Variants in PUM3 observed in about 807,000 individuals in gnomAD.
PUM3 encodes pumilio homolog 3.
PUM3 carries 91 observed loss-of-function variants against 84.0 expected under a neutral mutation model. That is an observed-to-expected ratio of 1.08 (90% CI 0.91 to 1.29). The LOEUF (loss-of-function observed/expected upper bound fraction) is 1.29. Among genes scored for constraint, PUM3 ranks in the 50% most tolerant of loss-of-function variants. PUM3 has a pLI of 0.00. For missense variants in PUM3, 1,067 were observed against 767.5 expected (o/e 1.39, Z -4.61); for synonymous variants, 321 against 266.7 (o/e 1.20, Z -1.98).
At chr9:2,815,845 T>A (rs1392431226) in intron 13 of PUM3, among the ~76,000 whole-genome samples, 1 of 152,214 alleles carries the variant, frequency 6.6e-6, no homozygotes, top group Non-Finnish European at 1.5e-5. Flanking sequence ...CAAAGGCCCA[T>A]TTATTGTAAT....
chr9:2,830,077 T>G (rs1030287913), intron 7 of PUM3, 129 bp from the exon 8 acceptor site: 5 of 710,554 alleles, frequency 7.0e-6, no homozygotes, highest in Non-Finnish European at 1.2e-5. Context: ...TGAGCTAGCA[T>G]GCATTGAGAA....
In PUM3 at chr9:2,812,263, C is replaced by G. The variant is rs147187141; in HGVS notation, c.1369G>C (p.Glu457Gln). 3.3e-5 allele frequency: 53 copies of G among 1,613,516 alleles called. No homozygotes were observed. In the African/African-American group the frequency reaches 6.7e-4, roughly 20 times the overall value. Residue 457 changes from glutamate to glutamine, a missense_variant, in exon 14 of 18, where the codon GAA becomes CAA. By Grantham distance (29) the Glu-to-Gln change is conservative. Transcript: ENST00000397885. ...SPRDPAHTVR[E>Q]IIEVLQKGDG... Reference sequence around the variant, plus strand: ...CCTTTTTGCAGAACTTCAATGATTTCTCGTACTGTATGTGCAGGATCTCTG... The same window carrying G: ...CCTTTTTGCAGAACTTCAATGATTTGTCGTACTGTATGTGCAGGATCTCTG...
intron 7 of PUM3, among the ~76,000 whole-genome samples, 167 bp downstream of exon 7, chr9:2,830,795 T>C (rs1239636810): frequency 1.3e-5 from 2 of 152,196 alleles, no homozygotes; most frequent in South Asian, 2.1e-4. Context: ...TTAATTTCGA[T>C]AATTGTATTT....
At chr9:2,809,595 TCTGTCA>T (rs1484986005) in intron 16 of PUM3, among the ~76,000 whole-genome samples, 1 of 152,186 alleles carries the variant, frequency 6.6e-6, no homozygotes, top group Non-Finnish European at 1.5e-5. Flanking sequence ...GAATTCATGA[TCTGTCA>T]CTTTTTTCCA....
At chr9:2,836,821 G>T (rs559094607) in intron 3 of PUM3, among the ~76,000 whole-genome samples, 1 of 152,200 alleles carries the variant, frequency 6.6e-6, no homozygotes, top group African/African-American at 2.4e-5. Context: ...GTGTGTGTGT[G>T]TGTGTTTTGC....
At position 2,837,236 on chromosome 9, in the gene PUM3, T is replaced by C; in HGVS notation, c.248A>G (p.Gln83Arg). ...QGDKSPKNKF[Q>R]PANKFNKKRK... ...CTTCTTGTTGAATTTATTTGCCGGCTGGAATTTGTTCTTTGGTGATTTGTC... is the reference window on the plus strand; with the variant it reads ...CTTCTTGTTGAATTTATTTGCCGGCCGGAATTTGTTCTTTGGTGATTTGTC... The change falls in exon 3 of 18, where the codon CAG becomes CGG. Residue 83 changes from glutamine to arginine, a missense_variant. Coordinates refer to ENST00000397885, the MANE Select transcript of PUM3 (RefSeq NM_014878.5). 1 of 1,614,162 alleles carries C rather than the reference T, an allele frequency of 6.2e-7. No individual in the cohort carries two copies. Among genetic ancestry groups the C allele is most frequent in the Non-Finnish European group, 8.5e-7 (1 of 1,179,988 alleles).
At chr9:2,843,394 C>A (rs1212190146) in intron 1 of PUM3, among the ~76,000 whole-genome samples, 1 of 151,934 alleles carries the variant, frequency 6.6e-6, no homozygotes, top group African/African-American at 2.4e-5. Flanking sequence ...TCGTTTCCTC[C>A]CAGCACTTAG....
At chr9:2,838,307 T>C in intron 2 of PUM3, 119 bp downstream of exon 2, 2 of 734,872 alleles carry the variant, frequency 2.7e-6, no homozygotes, top group Non-Finnish European at 4.8e-6. Flanking sequence ...CAATAACACA[T>C]ACTTCTTCCT....
rs139577827 is a variant in PUM3, at chr9:2,811,536, G to C, written c.1460C>G (p.Ser487Cys). 3.7e-4 allele frequency: 600 copies of C among 1,614,136 alleles called. No homozygotes were observed. The highest frequency in any genetic ancestry group is 7.7e-4 in the Admixed American group (46 of 60,018). The change falls in exon 15 of 18, where the codon TCT (serine) becomes TGT (cysteine). Residue 487 changes from serine (S) to cysteine (C), a missense_variant. Ser to Cys is a moderately radical substitution (Grantham distance 112). Coordinates refer to ENST00000397885, the MANE Select transcript of PUM3 (RefSeq NM_014878.5). ...VRRRELLESI[S>C]PALLSYLQEH... The stretch of plus-strand genomic sequence containing the variant: ...TTGCAGGTAGCTTAACAAAGCTGGA[G>C]AAATGGATTCTAGGAGCTCCCGTCT...
chr9:2,835,928 C>G (rs1404838408), intron 3 of PUM3, among the ~76,000 whole-genome samples: 1 of 151,876 alleles, frequency 6.6e-6, no homozygotes, highest in Non-Finnish European at 1.5e-5. Flanking sequence ...GTTTAAAATG[C>G]AGGCATCAAA....
intron 5 of PUM3, among the ~76,000 whole-genome samples, chr9:2,833,095 A>G (rs1019257384): frequency 6.6e-6 from 1 of 152,230 alleles, no homozygotes; most frequent in South Asian, 2.1e-4. Context: ...ACTTCTCAAG[A>G]TAACTTTAAG....
intron 13 of PUM3, among the ~76,000 whole-genome samples, chr9:2,819,207 A>G (rs760196876): frequency 6.6e-6 from 1 of 152,314 alleles, no homozygotes; most frequent in East Asian, 1.9e-4. Context: ...CCACTCATAC[A>G]CTAAAAACAA....
At position 2,804,444 on chromosome 9, in the gene PUM3, G is replaced by T. The variant is rs1291355536; in HGVS notation, c.1834C>A (p.Leu612Met). 6.2e-7 allele frequency: 1 copy of T among 1,613,468 alleles called. No individual in the cohort carries two copies. Among genetic ancestry groups the T allele is most frequent in the Non-Finnish European group, 8.5e-7 (1 of 1,179,812 alleles). ...ILSSLLQSCDLEVANKVKAAL... is the reference protein window; with the variant it reads ...ILSSLLQSCDMEVANKVKAAL... Reference sequence around the variant, plus strand: ...GCTTTGACTTTGTTTGCAACTTCCAGGTCACAACTCTGGAGGAGGCTGAAG... The same window carrying T: ...GCTTTGACTTTGTTTGCAACTTCCATGTCACAACTCTGGAGGAGGCTGAAG... Residue 612 changes from leucine to methionine, a missense_variant, in exon 18 of 18, where the codon CTG becomes ATG. Leu to Met is a conservative substitution (Grantham distance 15). Coordinates refer to ENST00000397885, the MANE Select transcript of PUM3 (RefSeq NM_014878.5).
At chr9:2,830,039 A>C in intron 7 of PUM3, 91 bp from the exon 8 acceptor site, 7 of 1,129,548 alleles carry the variant, frequency 6.2e-6, no homozygotes, top group Non-Finnish European at 9.0e-6. Context: ...AGACCAACTC[A>C]TCAATCTGTG....
At chr9:2,823,417 T>C (rs1322211318) in intron 12 of PUM3, among the ~76,000 whole-genome samples, 1 of 152,142 alleles carries the variant, frequency 6.6e-6, no homozygotes, top group Admixed American at 6.5e-5. Context: ...CAATCTGGCA[T>C]CATTTACCCA....
At chr9:2,804,900 T>G (rs1179206293) in intron 17 of PUM3, among the ~76,000 whole-genome samples, 1 of 152,158 alleles carries the variant, frequency 6.6e-6, no homozygotes, top group Non-Finnish European at 1.5e-5. Context: ...ACCACGTGGC[T>G]GAATGAAAAG....
intron 16 of PUM3, among the ~76,000 whole-genome samples, 163 bp downstream of exon 16, chr9:2,810,181 A>T (rs889149632): frequency 7.2e-5 from 11 of 152,202 alleles, no homozygotes; most frequent in Non-Finnish European, 1.3e-4. Flanking sequence ...TAGGGGAAAA[A>T]GCATTACCAG....
Position 2,812,209 on chromosome 9 carries a change from C to T in PUM3, c.1412+11G>A. On this transcript the variant is annotated intron_variant, in intron 14 of 17. Transcript: ENST00000397885. ...GGAATAAAGAAGTCAAGCCATTCTA[C>T]TTGGTTTTACCTGTGTGCATTTCCA... is the stretch of plus-strand genomic sequence containing the variant. 1 of 1,612,016 alleles carries T rather than the reference C, an allele frequency of 6.2e-7. No individual in the cohort carries two copies. Among genetic ancestry groups the T allele is most frequent in the South Asian group, 1.1e-5 (1 of 90,946 alleles).
rs1427942706 is a variant in PUM3 at position 2,831,278 on chromosome 9, T to G, written c.583A>C (p.Arg195=). The G allele has an allele frequency of 4.4e-6, 7 of 1,607,586 alleles. No individual in the cohort carries two copies. The South Asian group carries it at 7.8e-5, about 18-fold the overall frequency. Residue 195 remains arginine (R), a synonymous_variant, in exon 6 of 18, where the codon AGA becomes CGA. Transcript: ENST00000397885. ...CYIQYGNEEQ[R]KQAFEELRDD... is the part of the protein sequence containing the mutation. The stretch of plus-strand genomic sequence containing the variant: ...CGCAATTCTTCAAAAGCCTGTTTTC[T>G]CTGTTCTTCATTACCATACTGAATG...
Sources: allele counts gnomAD v4.1 joint callset (sites outside exome capture counted in the v4.1 genomes callset), GRCh38; gene constraint gnomAD v4.1.1; transcripts MANE v1.5; gene names NCBI Gene and HGNC (gene_info 2026-07-23, HGNC 2026-07-21).